Variants in PPP2R3A observed in about 807,000 individuals in gnomAD.
PPP2R3A encodes the protein serine/threonine-protein phosphatase 2A regulatory subunit B'' subunit alpha.
PPP2R3A carries 80 observed loss-of-function variants against 106.9 expected under a neutral mutation model. The observed-to-expected ratio is 0.75, with a 90% CI of 0.62 to 0.90. The LOEUF is 0.90. PPP2R3A is among the 40% of genes least tolerant of loss of function. The pLI, the probability that PPP2R3A is intolerant of heterozygous loss-of-function variation, is 0.00. For synonymous variants in PPP2R3A, 483 were observed against 468.3 expected (o/e 1.03, Z -0.41); for missense variants, 1,386 against 1,350.4 (o/e 1.03, Z -0.41).
At chr3:135,985,967 A>C (rs986007710) in intron 1 of PPP2R3A, among the ~76,000 whole-genome samples, 1 of 152,160 alleles carries the variant, frequency 6.6e-6, no homozygotes, top group African/African-American at 2.4e-5. Context: ...GATAGTAGGC[A>C]GTAGAGTCTG....
At chr3:136,138,676 C>T (rs1321451831) in intron 13 of PPP2R3A, among the ~76,000 whole-genome samples, 2 of 140,346 alleles carry the variant, frequency 1.4e-5, no homozygotes, top group African/African-American at 2.7e-5. Flanking sequence ...TTATAGACTC[C>T]AAACTAGAGA....
At chr3:136,098,328 T>TA (rs1209902431) in intron 10 of PPP2R3A, among the ~76,000 whole-genome samples, 1 of 152,160 alleles carries the variant, frequency 6.6e-6, no homozygotes. Flanking sequence ...AAACAAATAG[T>TA]AAAAAACTTT....
At chr3:136,044,951 A>G (rs1456910563) in intron 4 of PPP2R3A, among the ~76,000 whole-genome samples, 2 of 152,192 alleles carry the variant, frequency 1.3e-5, no homozygotes, top group African/African-American at 4.8e-5. Context: ...TCGAGGCTAC[A>G]CAGAGCCCAT....
chr3:136,097,904 T>G (rs1937253332), intron 10 of PPP2R3A, among the ~76,000 whole-genome samples: 1 of 152,182 alleles, frequency 6.6e-6, no homozygotes, highest in Admixed American at 6.5e-5. Flanking sequence ...TCTTCAAGGT[T>G]TTCCCCACAA....
chr3:136,059,233 A>G (rs1030317681), intron 5 of PPP2R3A, among the ~76,000 whole-genome samples: 1 of 152,166 alleles, frequency 6.6e-6, no homozygotes, highest in Non-Finnish European at 1.5e-5. Flanking sequence ...TTTACAAACT[A>G]TGCATCCAAC....
intron 5 of PPP2R3A, among the ~76,000 whole-genome samples, chr3:136,053,937 T>TG (rs1935769412): frequency 6.6e-6 from 1 of 151,692 alleles, no homozygotes; most frequent in Non-Finnish European, 1.5e-5. Flanking sequence ...ATGAGGAAAA[T>TG]GATCATCATT....
intron 10 of PPP2R3A, among the ~76,000 whole-genome samples, chr3:136,097,021 A>G (rs1206578269): frequency 1.3e-5 from 2 of 152,248 alleles, no homozygotes; most frequent in East Asian, 1.9e-4. Flanking sequence ...TAGAAATATA[A>G]TTTGTCATTA....
intron 5 of PPP2R3A, among the ~76,000 whole-genome samples, chr3:136,061,976 T>A (rs1936093757): frequency 6.6e-6 from 1 of 151,972 alleles, no homozygotes; most frequent in South Asian, 2.1e-4. Flanking sequence ...TGAATTTCTT[T>A]AAGACACATG....
chr3:135,975,869 T>TGAAAAGC (rs1937405414), intron 1 of PPP2R3A, among the ~76,000 whole-genome samples: 1 of 152,162 alleles, frequency 6.6e-6, no homozygotes, highest in Non-Finnish European at 1.5e-5. Context: ...GCACTGATAA[T>TGAAAAGC]ATTGAATACG....
intron 13 of PPP2R3A, among the ~76,000 whole-genome samples, chr3:136,127,929 G>A (rs1938245591): frequency 6.6e-6 from 1 of 152,114 alleles, no homozygotes; most frequent in African/African-American, 2.4e-5. Context: ...CATAAGTGAA[G>A]GAGAAAGAAA....
intron 2 of PPP2R3A, among the ~76,000 whole-genome samples, chr3:136,005,931 CA>C (rs1355152694): frequency 2.0e-5 from 3 of 152,122 alleles, no homozygotes; most frequent in Non-Finnish European, 4.4e-5. Context: ...GAATTTTACT[CA>C]ACCCTCTTCC....
chr3:136,109,984 AT>A (rs1342476805), intron 13 of PPP2R3A, among the ~76,000 whole-genome samples: 1 of 152,116 alleles, frequency 6.6e-6, no homozygotes, highest in African/African-American at 2.4e-5. Flanking sequence ...ACTCCTGTAT[AT>A]CCCACCCTAC....
chr3:136,106,059 C>A (rs6792630), intron 12 of PPP2R3A, among the ~76,000 whole-genome samples, 157 bp from the exon 13 acceptor site: 28,153 of 152,194 alleles, frequency 0.18, 3,242 homozygotes, highest in Non-Finnish European at 0.27. Flanking sequence ...TAGAAAATTA[C>A]CTTAGGAGTT....
At chr3:136,106,343 C>G (rs757775825) in intron 13 of PPP2R3A, 21 bp downstream of exon 13, 1 of 1,598,916 alleles carries the variant, frequency 6.3e-7, no homozygotes, top group Admixed American at 1.7e-5. Context: ...TTCCCTATGT[C>G]TTATAGAATT....
In PPP2R3A at chr3:136,003,529, T is replaced by TA. The variant is rs780376226; in HGVS notation, c.1995+42dup. 3.3e-6 allele frequency: 5 copies of TA among 1,506,168 alleles called. No homozygotes were observed. The African/African-American group carries it at 5.6e-5, about 17-fold the overall frequency. 93.3% of individuals were successfully genotyped at this position (1,506,168 alleles called of 1,614,324 possible). On this transcript the variant is annotated intron_variant, in intron 2 of 13. Coordinates refer to ENST00000264977, the MANE Select transcript of PPP2R3A (RefSeq NM_002718.5). ...ACAATTTTGAGTCCTAGGAACTCTTTAAAAAATGTTTAGTGTTTGAAAATT... is the reference window on the plus strand; with the variant it reads ...ACAATTTTGAGTCCTAGGAACTCTTTAAAAAAATGTTTAGTGTTTGAAAATT...
At position 136,002,173 on chromosome 3, in the gene PPP2R3A, T is replaced by G. The variant is rs760723957; in HGVS notation, c.675T>G (p.Ser225=). ...LEKHKIDNFS[S]GTDIKMCLDI... Reference sequence around the variant, plus strand: ...AACATAAAATAGATAATTTTTCTTCTGGGACAGACATAAAGATGTGCTTGG... The same window carrying G: ...AACATAAAATAGATAATTTTTCTTCGGGGACAGACATAAAGATGTGCTTGG... The change falls in exon 2 of 14, where the codon TCT becomes TCG. Residue 225 remains serine, a synonymous_variant. Transcript: ENST00000264977. The G allele has an allele frequency of 1.9e-6, 3 of 1,613,428 alleles. No individual in the cohort carries two copies. Among genetic ancestry groups the G allele is most frequent in the Non-Finnish European group, 2.5e-6 (3 of 1,179,832 alleles).
intron 10 of PPP2R3A, 121 bp from the exon 11 acceptor site, chr3:136,101,886 A>T: frequency 9.2e-7 from 1 of 1,082,306 alleles, no homozygotes; most frequent in Non-Finnish European, 1.3e-6. Context: ...AACTTTGTAA[A>T]ACTATATCTA....
intron 13 of PPP2R3A, among the ~76,000 whole-genome samples, chr3:136,128,442 A>G (rs948114342): frequency 1.4e-4 from 22 of 152,218 alleles, no homozygotes; most frequent in Non-Finnish European, 2.9e-4. Flanking sequence ...ATAATGGTAA[A>G]GGGATCAATT....
At chr3:136,037,882 T>A (rs889179563) in intron 3 of PPP2R3A, among the ~76,000 whole-genome samples, 1 of 152,128 alleles carries the variant, frequency 6.6e-6, no homozygotes, top group Non-Finnish European at 1.5e-5. Flanking sequence ...AAAAATAAGT[T>A]TCCTAAATCT....
Sources: allele counts gnomAD v4.1 joint callset (sites outside exome capture counted in the v4.1 genomes callset), GRCh38; gene constraint gnomAD v4.1.1; transcripts MANE v1.5; gene names NCBI Gene and HGNC (gene_info 2026-07-23, HGNC 2026-07-21).